ZNF732: variants seen among roughly 807,000 people sequenced by gnomAD.
The protein encoded by ZNF732 is zinc finger protein 732.
In ZNF732, 12 loss-of-function variants were observed where a neutral mutation model predicts 11.5. The observed-to-expected ratio is 1.05, with a 90% confidence interval of 0.67 to 1.70. The LOEUF is 1.70. Among genes scored for constraint, ZNF732 ranks in the 40% most tolerant of loss-of-function variants. ZNF732 has a pLI of 0.00. For synonymous variants in ZNF732, 231 were observed against 236.5 expected (o/e 0.98, Z 0.21); for missense variants, 702 against 676.9 (o/e 1.04, Z -0.41).
At chr4:273,493 A>G (rs1444280028) in intron 3 of ZNF732, among the ~76,000 whole-genome samples, 1 of 152,018 alleles carries the variant, frequency 6.6e-6, no homozygotes, top group Admixed American at 6.6e-5. Flanking sequence ...TGTAACCTGA[A>G]TAATGCTGAA....
chr4:279,693 T>G (rs1349789477), intron 3 of ZNF732, among the ~76,000 whole-genome samples: 1 of 152,208 alleles, frequency 6.6e-6, no homozygotes, highest in Non-Finnish European at 1.5e-5. Context: ...TTAAGCAATG[T>G]TAGGTTTTTC....
At position 295,466 on chromosome 4, in the gene ZNF732, C is replaced by CT. The variant is rs1344979509; in HGVS notation, c.197dup (p.Ile67AspfsTer3). On this transcript the variant is annotated frameshift_variant, in exon 3 of 4. Transcript: ENST00000419098. LOFTEE classifies it low-confidence loss of function (END_TRUNC). ...GGTGTTTGGCTACTGTCTCATGTAT[C>CT]TTCACTTTGTAGGGCTCCTTTCTTT... 1.9e-6 allele frequency: 3 copies of CT among 1,611,174 alleles called. No homozygotes were observed. Among genetic ancestry groups the CT allele is most frequent in the Non-Finnish European group, 2.5e-6 (3 of 1,178,626 alleles).
intron 3 of ZNF732, among the ~76,000 whole-genome samples, chr4:286,740 A>G (rs1719739258): frequency 6.6e-6 from 1 of 152,236 alleles, no homozygotes; most frequent in Non-Finnish European, 1.5e-5. Context: ...CAAGTTTGTT[A>G]TACAGGTAAA....
intron 3 of ZNF732, among the ~76,000 whole-genome samples, chr4:286,978 C>A (rs1430939941): frequency 6.6e-6 from 1 of 152,006 alleles, no homozygotes; most frequent in South Asian, 2.1e-4. Context: ...TGGTGAAACC[C>A]CGTCTCTACT....
chr4:290,404 G>T lies in ZNF732; in HGVS notation c.226+5034C>A, dbSNP rs781882608. Among the ~76,000 whole-genome samples the T allele has an allele frequency of 5.5e-4, 83 of 152,222 alleles. 3 individuals carry two copies. The highest frequency in any genetic ancestry group is 2.4e-4 in the Non-Finnish European group (16 of 68,036). On this transcript the variant is annotated intron_variant, in intron 3 of 3. Transcript: ENST00000419098. ...AGTGGTCCTTCCCATCAAGAGACCTGCAGGAAGACACAGCCAGCAATGGCC... is the reference window on the plus strand; with the variant it reads ...AGTGGTCCTTCCCATCAAGAGACCTTCAGGAAGACACAGCCAGCAATGGCC...
In ZNF732 at chr4:305,452, G is replaced by A. The variant is rs782757428; in HGVS notation, c.-142C>T. The A allele has an allele frequency of 9.8e-6, 12 of 1,229,604 alleles. No homozygotes were observed. The East Asian group carries it at 1.5e-4, about 16-fold the overall frequency. 76.2% of individuals were successfully genotyped at this position (1,229,604 alleles called of 1,614,324 possible). A position where few individuals can be genotyped will look rare whatever the true frequency, so the allele number is the denominator to read the frequency against. Reference sequence around the variant, plus strand: ...AAGCACGGCCGTGGAGACCCTAACCGAGCTCACGCTGGCGCAAAAGGCAAA... The same window carrying A: ...AAGCACGGCCGTGGAGACCCTAACCAAGCTCACGCTGGCGCAAAAGGCAAA... On this transcript the variant is annotated 5_prime_UTR_variant, in exon 1 of 4. Transcript: ENST00000419098.
intron 1 of ZNF732, 112 bp downstream of exon 1, chr4:305,189 ACTGAGGG>A (rs1443121179): frequency 1.4e-6 from 2 of 1,387,156 alleles, no homozygotes; most frequent in Non-Finnish European, 1.9e-6. Flanking sequence ...GGGACCAAGG[ACTGAGGG>A]CTGAGCGGCG....
At chr4:299,684 AATAT>A (rs557065295) in intron 1 of ZNF732, among the ~76,000 whole-genome samples, 2 of 141,894 alleles carry the variant, frequency 1.4e-5, no homozygotes, top group Admixed American at 7.2e-5. Flanking sequence ...TATATACATA[AATAT>A]ATATACTTTT....
At chr4:302,595 C>A (rs1164527678) in intron 1 of ZNF732, among the ~76,000 whole-genome samples, 1 of 152,146 alleles carries the variant, frequency 6.6e-6, no homozygotes, top group Non-Finnish European at 1.5e-5. Flanking sequence ...GCCTATTAGT[C>A]GCCTACAGAA....
chr4:278,092 G>A (rs1719538314), intron 3 of ZNF732, among the ~76,000 whole-genome samples: 1 of 152,110 alleles, frequency 6.6e-6, no homozygotes, highest in Non-Finnish European at 1.5e-5. Context: ...GAACCTGGAG[G>A]CCATTACGTT....
At chr4:284,044 G>A (rs900789057) in intron 3 of ZNF732, among the ~76,000 whole-genome samples, 2 of 151,986 alleles carry the variant, frequency 1.3e-5, no homozygotes, top group Admixed American at 6.6e-5. Context: ...CTGAGTAGCT[G>A]GGACTACAGG....
At chr4:278,297 AT>A (rs1278376329) in intron 3 of ZNF732, among the ~76,000 whole-genome samples, 2 of 152,212 alleles carry the variant, frequency 1.3e-5, no homozygotes, top group Admixed American at 6.5e-5. Flanking sequence ...TATACCAAAA[AT>A]ATCCGAGGCA....
At chr4:280,360 G>A (rs1286456391) in intron 3 of ZNF732, among the ~76,000 whole-genome samples, 2 of 150,560 alleles carry the variant, frequency 1.3e-5, no homozygotes, top group Admixed American at 1.3e-4. Context: ...GGAAGGCTGA[G>A]GCAGGTGGAT....
intron 3 of ZNF732, 74 bp downstream of exon 3, chr4:295,364 C>A: frequency 8.0e-7 from 1 of 1,253,376 alleles, no homozygotes; most frequent in Non-Finnish European, 1.1e-6. Context: ...TCCCAAACTA[C>A]ATTTTAAGGC....
At position 295,357 on chromosome 4, in the gene ZNF732, C is replaced by G. The variant is rs1581545030; in HGVS notation, c.226+81G>C. On this transcript the variant is annotated intron_variant, in intron 3 of 3. Coordinates refer to ENST00000419098, the MANE Select transcript of ZNF732 (RefSeq NM_001137608.3). ...TTATTTTCACTGGAGCAGAGCTTCC[C>G]AAACTACATTTTAAGGCCTAGCTTC... is the stretch of plus-strand genomic sequence containing the variant. 11 of 1,199,622 alleles carry G rather than the reference C, an allele frequency of 9.2e-6. No individual in the cohort carries two copies. The East Asian group carries it at 2.9e-4, about 31-fold the overall frequency. The allele number at this position is 1,199,622 out of a possible 1,614,324, so 74.3% of individuals were successfully genotyped here.
intron 3 of ZNF732, among the ~76,000 whole-genome samples, chr4:273,134 C>T (rs2108651727): frequency 6.6e-6 from 1 of 152,174 alleles, no homozygotes; most frequent in Admixed American, 6.5e-5. Flanking sequence ...GTACATGTTT[C>T]AAGAGCAGAC....
chr4:305,356 A>C lies in ZNF732; in HGVS notation c.-46T>G. On this transcript the variant is annotated 5_prime_UTR_variant, in exon 1 of 4. The change creates a new upstream start codon in the 5' untranslated region. Transcript: ENST00000419098. The stretch of plus-strand genomic sequence containing the variant: ...GCGGAGTCTCAGCTACGAATCATCC[A>C]ATACCCGCAGGTCACAGAGCGACGG... 6.2e-7 allele frequency: 1 copy of C among 1,606,526 alleles called. No individual in the cohort carries two copies. The highest frequency in any genetic ancestry group is 1.7e-5 in the Admixed American group (1 of 59,978).
rs142594635 is a variant in ZNF732 at position 294,059 on chromosome 4, T to C, written c.226+1379A>G. ...TCATGTCGTCTAGACTGGAATGCAA[T>C]GGCATGATCTCAGCTCAGTGCAACC... On this transcript the variant is annotated intron_variant, in intron 3 of 3. Transcript: ENST00000419098. Among the ~76,000 whole-genome samples the C allele has an allele frequency of 2.6e-5, 4 of 152,344 alleles. No individual in the cohort carries two copies. In the East Asian group the frequency reaches 7.7e-4, roughly 29 times the overall value.
chr4:304,572 C>G (rs527299742), intron 1 of ZNF732, among the ~76,000 whole-genome samples: 54 of 152,262 alleles, frequency 3.5e-4, no homozygotes, highest in African/African-American at 7.2e-4. Context: ...AGCTGCCCCC[C>G]CCCTGCAGAC....
Sources: gnomAD v4.1 joint callset for allele counts (sites outside exome capture counted in the v4.1 genomes callset) on GRCh38, gnomAD v4.1.1 for gene constraint, MANE v1.5 for transcripts, NCBI Gene and HGNC (gene_info 2026-07-23, HGNC 2026-07-21) for gene names.